Variants in NLGN4X observed in about 807,000 individuals in gnomAD.
NLGN4X encodes the protein neuroligin 4 X-linked.
In NLGN4X, 3 loss-of-function variants were observed where a neutral mutation model predicts 40.3. That is an observed-to-expected ratio of 0.07 (90% CI 0.03 to 0.19). NLGN4X has a LOEUF of 0.19. Ranked by LOEUF, NLGN4X falls within the 10% of genes least tolerant of loss-of-function variation. The probability of loss-of-function intolerance (pLI) is 1.00; values close to 1 mark genes in which losing one functional copy is unlikely to be tolerated. For synonymous variants in NLGN4X, 270 were observed against 306.8 expected (o/e 0.88, Z 1.25); for missense variants, 382 against 708.3 (o/e 0.54, Z 5.23).
At chrX:6,226,055 A>G (rs1245437932) in intron 1 of NLGN4X, among the ~76,000 whole-genome samples, 2 of 97,720 alleles carry the variant, frequency 2.0e-5, no homozygotes, top group African/African-American at 3.7e-5. Context: ...CAAATGACAG[A>G]TCGGGATCCT....
At chrX:5,959,286 C>T (rs1391175616) in intron 3 of NLGN4X, among the ~76,000 whole-genome samples, 1 of 112,191 alleles carries the variant, frequency 8.9e-6, no homozygotes, top group Non-Finnish European at 1.9e-5. Context: ...AAGTTATGGG[C>T]ACTGGAGCAG....
At chrX:6,129,355 C>G (rs1264275365) in intron 2 of NLGN4X, among the ~76,000 whole-genome samples, 1 of 111,478 alleles carries the variant, frequency 9.0e-6, no homozygotes, top group Non-Finnish European at 1.9e-5. Flanking sequence ...CAAGTCACCC[C>G]ATGAAACAGA....
chrX:6,141,550 A>C (rs1269425628), intron 2 of NLGN4X, among the ~76,000 whole-genome samples: 1 of 111,923 alleles, frequency 8.9e-6, no homozygotes, highest in Non-Finnish European at 1.9e-5. Context: ...TAGGCCAGGC[A>C]CGGTGGCTCA....
intron 3 of NLGN4X, among the ~76,000 whole-genome samples, chrX:5,992,814 C>T (rs2035718905): frequency 9.1e-6 from 1 of 110,020 alleles, no homozygotes. Context: ...TTTTTAACAA[C>T]CTGATCTCCT....
chrX:5,897,442 A>C (rs1286641069), intron 5 of NLGN4X, among the ~76,000 whole-genome samples: 1 of 111,481 alleles, frequency 9.0e-6, no homozygotes, highest in Non-Finnish European at 1.9e-5. Context: ...GTTAGTTTTC[A>C]CTTCTCCTTG....
chrX:6,136,695 C>T (rs1417805925), intron 2 of NLGN4X, among the ~76,000 whole-genome samples: 2 of 112,504 alleles, frequency 1.8e-5, no homozygotes, highest in Non-Finnish European at 3.8e-5. Context: ...GTTCCATTAT[C>T]TCTACCATAT....
chrX:6,044,150 G>T (rs1241973702), intron 2 of NLGN4X, among the ~76,000 whole-genome samples: 1 of 64,389 alleles, frequency 1.6e-5, no homozygotes, highest in African/African-American at 6.1e-5. Flanking sequence ...AATCACACAG[G>T]TGTGTGCCTG....
intron 3 of NLGN4X, among the ~76,000 whole-genome samples, chrX:5,983,252 T>C (rs1188412256): frequency 8.9e-6 from 1 of 111,979 alleles, no homozygotes; most frequent in Non-Finnish European, 1.9e-5. Flanking sequence ...TTATCTGCTT[T>C]GGAGAAAGAT....
At chrX:6,025,415 T>G (rs1284545223) in intron 3 of NLGN4X, among the ~76,000 whole-genome samples, 1 of 112,044 alleles carries the variant, frequency 8.9e-6, no homozygotes, top group East Asian at 2.8e-4. Context: ...TCAGTCTGGA[T>G]GCCAATATTT....
At chrX:6,105,826 G>A (rs1272140613) in intron 2 of NLGN4X, among the ~76,000 whole-genome samples, 1 of 112,082 alleles carries the variant, frequency 8.9e-6, no homozygotes, top group East Asian at 2.8e-4. Context: ...TGGTTAGATT[G>A]TCTGTTGTTC....
chrX:5,937,381 G>A (rs2033767838), intron 3 of NLGN4X, among the ~76,000 whole-genome samples: 1 of 111,157 alleles, frequency 9.0e-6, no homozygotes, highest in Admixed American at 9.6e-5. Context: ...AAGTGACCCA[G>A]TCTTTCATGT....
chrX:5,954,634 G>GTC (rs200878268), intron 3 of NLGN4X, among the ~76,000 whole-genome samples: 2,893 of 94,817 alleles, frequency 0.031, 87 homozygotes, highest in East Asian at 0.13. Context: ...CTCTGTCTCT[G>GTC]TCTCTCTCTC....
At chrX:6,078,171 C>T (rs2038254012) in intron 2 of NLGN4X, among the ~76,000 whole-genome samples, 1 of 111,634 alleles carries the variant, frequency 9.0e-6, no homozygotes. Flanking sequence ...GCTTCATTTC[C>T]CTCAAAGCTA....
At chrX:6,211,437 G>T (rs1337918251) in intron 1 of NLGN4X, among the ~76,000 whole-genome samples, 1 of 111,644 alleles carries the variant, frequency 9.0e-6, no homozygotes, top group African/African-American at 3.3e-5. Context: ...AATTAACCAT[G>T]AAAAACAATG....
At chrX:5,973,549 T>C (rs1461026509) in intron 3 of NLGN4X, among the ~76,000 whole-genome samples, 1 of 112,219 alleles carries the variant, frequency 8.9e-6, no homozygotes, top group African/African-American at 3.2e-5. Flanking sequence ...CAAAGGTGTG[T>C]GAAGGGCTCA....
At position 5,934,221 on chromosome X, in the gene NLGN4X, A is replaced by G. The variant is rs182569353; in HGVS notation, c.626-24982T>C. On this transcript the variant is annotated intron_variant, in intron 3 of 5. Transcript: ENST00000381095. ...GTACATCCATCTTGTCACAAATTAC[A>G]TGAATTCCTTCTTATTTCCTTCTTT... is the stretch of plus-strand genomic sequence containing the variant. 1.2e-3 allele frequency among the ~76,000 whole-genome samples: 138 copies of G among 111,898 alleles called. 1 individual carries two copies. The highest frequency in any genetic ancestry group is 4.2e-3 in the African/African-American group (130 of 30,868).
intron 3 of NLGN4X, among the ~76,000 whole-genome samples, chrX:5,999,003 A>G (rs2035904981): frequency 9.0e-6 from 1 of 111,717 alleles, no homozygotes; most frequent in Non-Finnish European, 1.9e-5. Flanking sequence ...TGTAGAAAGC[A>G]CTGCACCTCT....
At chrX:6,026,407 C>T (rs2036696754) in intron 3 of NLGN4X, among the ~76,000 whole-genome samples, 1 of 112,039 alleles carries the variant, frequency 8.9e-6, no homozygotes, top group African/African-American at 3.2e-5. Context: ...ATGATCATTG[C>T]AGTGCCTGCT....
intron 3 of NLGN4X, among the ~76,000 whole-genome samples, chrX:5,969,073 G>C (rs2034930559): frequency 9.0e-6 from 1 of 110,656 alleles, no homozygotes; most frequent in Non-Finnish European, 1.9e-5. Context: ...AAAAACCCTA[G>C]AAGAAAACCT....
Sources: allele counts gnomAD v4.1 joint callset (sites outside exome capture counted in the v4.1 genomes callset), GRCh38; gene constraint gnomAD v4.1.1; transcripts MANE v1.5; gene names NCBI Gene and HGNC (gene_info 2026-07-23, HGNC 2026-07-21).